Variants in DCHS2 observed in about 807,000 individuals in gnomAD.
DCHS2 encodes dachsous cadherin-related 2.
In DCHS2, 142 loss-of-function variants were observed where a neutral mutation model predicts 182.4. The ratio of observed to expected loss-of-function variants is 0.78; its 90% CI spans 0.68 to 0.89. The LOEUF (loss-of-function observed/expected upper bound fraction) is 0.89. Ranked by LOEUF, DCHS2 falls within the 40% of genes least tolerant of loss-of-function variation. DCHS2 has a pLI of 0.00. For synonymous variants in DCHS2, 1,740 were observed against 1,663.3 expected (o/e 1.05, Z -1.12); for missense variants, 4,319 against 4,198.6 (o/e 1.03, Z -0.79).
intron 16 of DCHS2, among the ~76,000 whole-genome samples, chr4:154,251,824 T>C (rs749018558): frequency 2.6e-5 from 4 of 152,164 alleles, no homozygotes; most frequent in Admixed American, 6.5e-5. Context: ...TGGCCAGGAC[T>C]CGATTTTCAA....
At chr4:154,336,497 C>A (rs1376602525) in intron 3 of DCHS2, among the ~76,000 whole-genome samples, 2 of 152,170 alleles carry the variant, frequency 1.3e-5, no homozygotes, top group Non-Finnish European at 2.9e-5. Flanking sequence ...TGAATGAATA[C>A]TGCAGTCTTT....
At chr4:154,416,929 G>A (rs564953001) in intron 1 of DCHS2, among the ~76,000 whole-genome samples, 1 of 152,090 alleles carries the variant, frequency 6.6e-6, no homozygotes, top group East Asian at 1.9e-4. Context: ...ACACGAAATC[G>A]CTCCTTTCCT....
chr4:154,333,229 G>C lies in DCHS2; in HGVS notation c.2979C>G (p.Pro993=), dbSNP rs369715026. 2 of 1,614,110 alleles carry C rather than the reference G, an allele frequency of 1.2e-6. No individual in the cohort carries two copies. Among genetic ancestry groups the C allele is most frequent in the African/African-American group, 2.7e-5 (2 of 74,940 alleles). ...SDEIRISQTT[P]PGTALYLARA... The stretch of plus-strand genomic sequence containing the variant: ...GTGCGAGGTACAAGGCTGTGCCAGG[G>C]GGCGTGGTCTGGGATATTCTAATCT... The change falls in exon 5 of 20, where the codon CCC becomes CCG. Residue 993 remains proline (P), a synonymous_variant. Transcript: ENST00000357232.
At chr4:154,376,812 C>A (rs146522866) in intron 2 of DCHS2, among the ~76,000 whole-genome samples, 1 of 152,080 alleles carries the variant, frequency 6.6e-6, no homozygotes, top group African/African-American at 2.4e-5. Flanking sequence ...GAAAATCTAC[C>A]GGACAAATGA....
At chr4:154,323,286 CT>C (rs1322113741) in intron 7 of DCHS2, 1 of 1,548,596 alleles carries the variant, frequency 6.5e-7, no homozygotes, top group Non-Finnish European at 8.7e-7. Context: ...TTTTGCACGA[CT>C]GCTTCCCAAA....
chr4:154,478,785 C>G (rs954978070), intron 1 of DCHS2, among the ~76,000 whole-genome samples: 4 of 152,168 alleles, frequency 2.6e-5, no homozygotes, highest in Admixed American at 6.6e-5. Flanking sequence ...ATGGGGCTTT[C>G]ACAGGTGCCT....
chr4:154,350,752 A>G lies in DCHS2; in HGVS notation c.2476+15458T>C, dbSNP rs557335220. 2.6e-5 allele frequency among the ~76,000 whole-genome samples: 4 copies of G among 152,214 alleles called. No individual in the cohort carries two copies. The South Asian group carries it at 6.2e-4, about 24-fold the overall frequency. On this transcript the variant is annotated intron_variant, in intron 3 of 19. Coordinates refer to ENST00000357232, the MANE Select transcript of DCHS2 (RefSeq NM_001358235.2). ...CAATCTCATCACAAAAGGTATAATC[A>G]CATGTATTTTGTATATTGGAAAGTA...
chr4:154,411,824 A>G (rs1321052618), intron 1 of DCHS2, among the ~76,000 whole-genome samples: 2 of 152,222 alleles, frequency 1.3e-5, no homozygotes, highest in Non-Finnish European at 2.9e-5. Context: ...ATATAACATC[A>G]TGCTGTACAC....
At chr4:154,416,872 G>A (rs1369971133) in intron 1 of DCHS2, among the ~76,000 whole-genome samples, 1 of 152,080 alleles carries the variant, frequency 6.6e-6, no homozygotes, top group Non-Finnish European at 1.5e-5. Context: ...CAGTCAGCGT[G>A]GCTCATTTTA....
chr4:154,488,877 A>AAT (rs1560788055), intron 1 of DCHS2, among the ~76,000 whole-genome samples: 1 of 148,140 alleles, frequency 6.8e-6, no homozygotes, highest in Admixed American at 6.8e-5. Context: ...GTTTGACAAA[A>AAT]ATATATATAT....
chr4:154,331,144 G>C (rs1736503898), intron 5 of DCHS2, among the ~76,000 whole-genome samples: 1 of 152,098 alleles, frequency 6.6e-6, no homozygotes, highest in African/African-American at 2.4e-5. Context: ...TTGGGAGGAG[G>C]AACAGTTTAC....
intron 1 of DCHS2, among the ~76,000 whole-genome samples, chr4:154,452,780 T>C (rs1042934483): frequency 2.6e-5 from 4 of 152,178 alleles, no homozygotes; most frequent in Non-Finnish European, 5.9e-5. Context: ...AGGAACAAAA[T>C]GTTGTGAGAA....
chr4:154,302,979 ACATATT>A, intron 12 of DCHS2, among the ~76,000 whole-genome samples: 1 of 105,372 alleles, frequency 9.5e-6, no homozygotes, highest in Non-Finnish European at 1.8e-5. Flanking sequence ...CCACACACAC[ACATATT>A]TTTTTTTTTT....
chr4:154,265,045 A>G (rs1447359336), intron 14 of DCHS2, among the ~76,000 whole-genome samples: 1 of 152,224 alleles, frequency 6.6e-6, no homozygotes, highest in Non-Finnish European at 1.5e-5. Flanking sequence ...CCACCGAAAT[A>G]AGAAAAATAA....
At position 154,364,680 on chromosome 4, in the gene DCHS2, A is replaced by G. The variant is rs541895608; in HGVS notation, c.2476+1530T>C. Among the ~76,000 whole-genome samples, 12 of 152,266 alleles carry G rather than the reference A, an allele frequency of 7.9e-5. No homozygotes were observed. In the East Asian group the frequency reaches 2.1e-3, roughly 27 times the overall value. ...TTCCAGGCAGAAGCAGCGGCTCTCT[A>G]CCTAATGGGGCTGGGTGAGAGGGCA... On this transcript the variant is annotated intron_variant, in intron 3 of 19. Transcript: ENST00000357232.
intron 7 of DCHS2, chr4:154,323,082 G>C: frequency 1.2e-5 from 13 of 1,051,618 alleles, no homozygotes; most frequent in Non-Finnish European, 1.5e-5. Flanking sequence ...CTCTCTATTT[G>C]TCCTTGCAAT....
chr4:154,333,232 C>T lies in DCHS2; in HGVS notation c.2976G>A (p.Thr992=), dbSNP rs1414646341. The change falls in exon 5 of 20, where the codon ACG becomes ACA. Residue 992 remains threonine (T), a synonymous_variant. Transcript: ENST00000357232. The stretch of plus-strand genomic sequence containing the variant: ...CGAGGTACAAGGCTGTGCCAGGGGG[C>T]GTGGTCTGGGATATTCTAATCTCAT... ...TSDEIRISQT[T]PPGTALYLAR... The T allele has an allele frequency of 1.2e-6, 2 of 1,614,060 alleles. No homozygotes were observed. The highest frequency in any genetic ancestry group is 1.3e-5 in the African/African-American group (1 of 74,926).
intron 1 of DCHS2, among the ~76,000 whole-genome samples, chr4:154,428,019 G>A (rs1202267751): frequency 6.6e-6 from 1 of 152,186 alleles, no homozygotes; most frequent in Non-Finnish European, 1.5e-5. Context: ...CTGGAGCCAT[G>A]CCATGTGGTT....
chr4:154,442,539 C>CCA (rs1553952999), intron 1 of DCHS2, among the ~76,000 whole-genome samples: 1 of 80,784 alleles, frequency 1.2e-5, no homozygotes. Context: ...ACCCCCCCCC[C>CCA]CCCACACACA....
Sources: allele counts gnomAD v4.1 joint callset (sites outside exome capture counted in the v4.1 genomes callset), GRCh38; gene constraint gnomAD v4.1.1; transcripts MANE v1.5; gene names NCBI Gene and HGNC (gene_info 2026-07-23, HGNC 2026-07-21).